Variants in USH2A observed in about 807,000 individuals in gnomAD.
The protein encoded by USH2A is Usher syndrome 2A (autosomal recessive, mild).
Under a neutral mutation model 538.9 loss-of-function variants are expected in USH2A, and 443 were observed. The observed-to-expected ratio is 0.82, with a 90% CI of 0.76 to 0.89. The LOEUF (loss-of-function observed/expected upper bound fraction) is 0.89. Among genes scored for constraint, USH2A ranks in the 40% least tolerant of loss-of-function variants. The probability of loss-of-function intolerance (pLI) is 0.00; values close to 1 mark genes in which losing one functional copy is unlikely to be tolerated. For synonymous variants in USH2A, 2,413 were observed against 2,273.5 expected, an observed-to-expected ratio of 1.06 and a Z score of -1.75; for missense variants, 6,633 against 6,324.8, an observed-to-expected ratio of 1.05 and a Z score of -1.65.
At chr1:215,753,891 CT>C (rs1398746052) in intron 58 of USH2A, among the ~76,000 whole-genome samples, 1 of 152,176 alleles carries the variant, frequency 6.6e-6, no homozygotes, top group East Asian at 1.9e-4. Flanking sequence ...TCTTGGCCCT[CT>C]GGGCTACTAT....
chr1:215,741,905 T>C (rs1660316519), intron 59 of USH2A, among the ~76,000 whole-genome samples: 1 of 152,210 alleles, frequency 6.6e-6, no homozygotes, highest in African/African-American at 2.4e-5. Flanking sequence ...ACATCTTGCA[T>C]GCTTTTAATA....
At chr1:216,218,376 ACGTTGG>A (rs897073496) in intron 14 of USH2A, among the ~76,000 whole-genome samples, 4 of 152,146 alleles carry the variant, frequency 2.6e-5, no homozygotes, top group Non-Finnish European at 4.4e-5. Flanking sequence ...AGGATAAGCA[ACGTTGG>A]TGCCATGAGG....
chr1:215,854,792 A>G (rs1157282246), intron 44 of USH2A, among the ~76,000 whole-genome samples: 4 of 152,136 alleles, frequency 2.6e-5, no homozygotes, highest in Non-Finnish European at 5.9e-5. Flanking sequence ...TGTTATGCAG[A>G]TGGGTTCTCT....
intron 4 of USH2A, among the ~76,000 whole-genome samples, chr1:216,344,929 C>T (rs544945108): frequency 1.3e-5 from 2 of 151,152 alleles, no homozygotes; most frequent in South Asian, 4.2e-4. Flanking sequence ...GCCTTGCCCT[C>T]TTTGCTGATG....
intron 35 of USH2A, among the ~76,000 whole-genome samples, chr1:215,980,458 T>C (rs1373313554): frequency 6.6e-6 from 1 of 152,086 alleles, no homozygotes; most frequent in Non-Finnish European, 1.5e-5. Flanking sequence ...TATAAAAATA[T>C]ATACAATATC....
chr1:216,174,531 A>G, intron 21 of USH2A: 1 of 984,480 alleles, frequency 1.0e-6, no homozygotes, highest in African/African-American at 1.7e-5. Context: ...TTTTGATAAT[A>G]TTTTTATAGT....
intron 21 of USH2A, among the ~76,000 whole-genome samples, chr1:216,171,385 T>C (rs1572018072): frequency 1.3e-5 from 2 of 152,182 alleles, no homozygotes; most frequent in African/African-American, 4.8e-5. Context: ...CTAAGTCAAT[T>C]AATTTTACTA....
At chr1:215,846,518 T>C (rs1417817911) in intron 44 of USH2A, among the ~76,000 whole-genome samples, 2 of 152,180 alleles carry the variant, frequency 1.3e-5, no homozygotes, top group Non-Finnish European at 2.9e-5. Flanking sequence ...CTGGTCAGTT[T>C]TTATTTTTTA....
intron 40 of USH2A, among the ~76,000 whole-genome samples, chr1:215,892,802 T>C (rs1010929972): frequency 6.6e-6 from 1 of 152,142 alleles, no homozygotes; most frequent in East Asian, 1.9e-4. Flanking sequence ...ATAACATAAG[T>C]AACATTATTT....
Position 216,365,018 on chromosome 1 carries a change from C to T in USH2A, c.719G>A (p.Arg240Lys). ...ATCTGTAATTGAACCACTTAGAGTTCTTGCATTGAAAGGTGTATGATCCTT... is the reference window on the plus strand; with the variant it reads ...ATCTGTAATTGAACCACTTAGAGTTTTTGCATTGAAAGGTGTATGATCCTT... ...VEKDHTPFNA[R>K]TLSGSITDFA... Residue 240 changes from arginine (R) to lysine (K), a missense_variant, in exon 4 of 72, where the codon AGA becomes AAA. Coordinates refer to ENST00000307340, the MANE Select transcript of USH2A (RefSeq NM_206933.4). 2.5e-6 allele frequency: 4 copies of T among 1,613,708 alleles called. No individual in the cohort carries two copies. The highest frequency in any genetic ancestry group is 3.4e-6 in the Non-Finnish European group (4 of 1,179,742).
chr1:216,421,639 C>T (rs577323040), intron 2 of USH2A, among the ~76,000 whole-genome samples: 4 of 152,222 alleles, frequency 2.6e-5, no homozygotes, highest in Admixed American at 1.3e-4. Flanking sequence ...AACACATTTG[C>T]CTTTGATAAA....
intron 32 of USH2A, among the ~76,000 whole-genome samples, chr1:216,041,652 A>G (rs1234914659): frequency 6.6e-6 from 1 of 152,076 alleles, no homozygotes; most frequent in Non-Finnish European, 1.5e-5. Context: ...CATTTTAAAC[A>G]GTGTGGGTGA....
Position 215,675,149 on chromosome 1 carries a change from A to G in USH2A, c.12762T>C (p.Asn4254=). 2 of 1,614,110 alleles carry G rather than the reference A, an allele frequency of 1.2e-6. No homozygotes were observed. The highest frequency in any genetic ancestry group is 1.7e-6 in the Non-Finnish European group (2 of 1,180,000). ...NSAGHTCSSW[N]VVRTLQAPPE... ...GAGGTGCTTGCAATGTCCTCACCAC[A>G]TTCCAAGAGCTACAGGTATGCCCAG... The change falls in exon 63 of 72, where the codon AAT becomes AAC. Residue 4254 remains asparagine (N), a synonymous_variant. Coordinates refer to ENST00000307340, the MANE Select transcript of USH2A (RefSeq NM_206933.4).
chr1:216,149,602 G>T (rs111355953), intron 21 of USH2A, among the ~76,000 whole-genome samples: 3 of 151,990 alleles, frequency 2.0e-5, no homozygotes, highest in East Asian at 1.9e-4. Context: ...TTATATGGAC[G>T]CACTTTCTTG....
chr1:215,900,797 T>C lies in USH2A; in HGVS notation c.7409A>G (p.Gln2470Arg). ...RNNAPGSPRY[Q>R]LQMRSGDSTH... ...GGAGTCGCCAGACCTCATCTGGAGT[T>C]GGTATCTGGGAGAGCCAGGAGCGTT... The change falls in exon 39 of 72, where the codon CAA becomes CGA. Residue 2470 changes from glutamine (Q) to arginine (R), a missense_variant. Transcript: ENST00000307340. 1 of 1,613,744 alleles carries C rather than the reference T, an allele frequency of 6.2e-7. No homozygotes were observed. Among genetic ancestry groups the C allele is most frequent in the South Asian group, 1.1e-5 (1 of 91,080 alleles).
At chr1:216,232,790 T>TAATA (rs909565334) in intron 13 of USH2A, among the ~76,000 whole-genome samples, 1 of 152,194 alleles carries the variant, frequency 6.6e-6, no homozygotes, top group Non-Finnish European at 1.5e-5. Flanking sequence ...TTTTTATAAC[T>TAATA]AATACTTCAA....
chr1:216,225,161 C>A (rs1198955415), intron 14 of USH2A, among the ~76,000 whole-genome samples: 1 of 152,018 alleles, frequency 6.6e-6, no homozygotes, highest in Non-Finnish European at 1.5e-5. Context: ...TCCCATATAT[C>A]TTAGTCAATT....
intron 61 of USH2A, among the ~76,000 whole-genome samples, chr1:215,684,776 C>A (rs1316995429): frequency 6.6e-6 from 1 of 152,154 alleles, no homozygotes; most frequent in African/African-American, 2.4e-5. Flanking sequence ...ATCCTGGGCT[C>A]TTTATCCTGA....
Position 215,670,759 on chromosome 1 carries a change from C to T in USH2A, c.14133+213G>A, listed in dbSNP as rs74379176. Among the ~76,000 whole-genome samples the T allele has an allele frequency of 6.5e-3, 992 of 152,128 alleles. 21 individuals are homozygous for T. Among genetic ancestry groups the T allele is most frequent in the South Asian group, 0.057 (276 of 4,816 alleles). The stretch of plus-strand genomic sequence containing the variant: ...CCTGGAATCTACTTAAGAAAAACAA[C>T]GTATATAATATGGCTCAAAAACCAA... On this transcript the variant is annotated intron_variant, in intron 64 of 71. Coordinates refer to ENST00000307340, the MANE Select transcript of USH2A (RefSeq NM_206933.4).
Sources: allele counts gnomAD v4.1 joint callset (sites outside exome capture counted in the v4.1 genomes callset), GRCh38; gene constraint gnomAD v4.1.1; transcripts MANE v1.5; gene names NCBI Gene and HGNC (gene_info 2026-07-23, HGNC 2026-07-21).